SLC25A48: variants seen among roughly 807,000 people sequenced by gnomAD.
The protein encoded by SLC25A48 is CTC-321K16.1.
Under a neutral mutation model 32.2 loss-of-function variants are expected in SLC25A48, and 29 were observed. That is an observed-to-expected ratio of 0.90 (90% CI 0.67 to 1.23). The LOEUF (loss-of-function observed/expected upper bound fraction) is 1.23, where lower values mean the gene tolerates loss of function less well. SLC25A48 is among the 50% of genes most tolerant of loss of function. The pLI is 0.00. For synonymous variants in SLC25A48, 164 were observed against 172.3 expected, an observed-to-expected ratio of 0.95 and a Z score of 0.38; for missense variants, 399 against 422.7, an observed-to-expected ratio of 0.94 and a Z score of 0.49.
chr5:135,798,660 G>T (rs960868382), intron 3 of SLC25A48, among the ~76,000 whole-genome samples: 3 of 151,552 alleles, frequency 2.0e-5, no homozygotes, highest in African/African-American at 7.3e-5. Flanking sequence ...ATATCAGAAG[G>T]TGAGAGGATA....
chr5:135,621,928 C>T (rs1053383266), intron 1 of SLC25A48, among the ~76,000 whole-genome samples: 1 of 151,794 alleles, frequency 6.6e-6, no homozygotes, highest in Non-Finnish European at 1.5e-5. Flanking sequence ...AGCCAGAAGA[C>T]AATATAAAGG....
chr5:135,784,342 A>AC lies in SLC25A48; in HGVS notation c.-520-28175dup, dbSNP rs143053818. On this transcript the variant is annotated intron_variant, in intron 3 of 10. Coordinates refer to the SLC25A48 transcript ENST00000646290. ...ACTCCCAATACCCCAGGAAGTTTCC[A>AC]CCCCCCTGTGATATAGTTTTTAATA... Among the ~76,000 whole-genome samples, 1,122 of 115,266 alleles carry AC rather than the reference A, an allele frequency of 9.7e-3. 139 individuals are homozygous for AC. The highest frequency in any genetic ancestry group is 0.027 in the African/African-American group (1,044 of 38,060). The allele number at this position is 115,266 out of a possible 152,430, so 75.6% of individuals were successfully genotyped here. A position where few individuals can be genotyped will look rare whatever the true frequency, so the allele number is the denominator to read the frequency against.
intron 3 of SLC25A48, among the ~76,000 whole-genome samples, chr5:135,785,533 G>C (rs1756818095): frequency 6.8e-6 from 1 of 146,686 alleles, no homozygotes; most frequent in Non-Finnish European, 1.5e-5. Flanking sequence ...ACACCCCCTT[G>C]CCCCATGGAT....
intron 3 of SLC25A48, among the ~76,000 whole-genome samples, chr5:135,736,991 C>T (rs1698313630): frequency 6.6e-6 from 1 of 152,092 alleles, no homozygotes; most frequent in Non-Finnish European, 1.5e-5. Context: ...TCTGAGGACC[C>T]GAGGTCGTAG....
chr5:135,743,711 AC>A (rs1338615328), intron 3 of SLC25A48, among the ~76,000 whole-genome samples: 3 of 152,200 alleles, frequency 2.0e-5, no homozygotes, highest in African/African-American at 7.2e-5. Context: ...TTACTTCCCA[AC>A]CTTGGATCAA....
chr5:135,631,329 T>A (rs1449550405), intron 2 of SLC25A48, among the ~76,000 whole-genome samples: 1 of 152,210 alleles, frequency 6.6e-6, no homozygotes, highest in Non-Finnish European at 1.5e-5. Flanking sequence ...AATGGACTGA[T>A]GTGTTTCCTG....
In SLC25A48 at chr5:135,629,598, G is replaced by A. The variant is rs73791015; in HGVS notation, c.-709+222G>A. Among the ~76,000 whole-genome samples, 1,469 of 152,328 alleles carry A rather than the reference G, an allele frequency of 9.6e-3. 30 individuals carry two copies. The highest frequency in any genetic ancestry group is 0.034 in the African/African-American group (1,395 of 41,574). Reference sequence around the variant, plus strand: ...GTAAGAGATGGAAGGGAAAGAAGCCGATAAAAGATGTGTTAGCCAGCAGGC... The same window carrying A: ...GTAAGAGATGGAAGGGAAAGAAGCCAATAAAAGATGTGTTAGCCAGCAGGC... On this transcript the variant is annotated intron_variant, in intron 2 of 10. Coordinates refer to the SLC25A48 transcript ENST00000646290. The surrounding 1 kb of genome is among the most constrained non-coding windows in gnomAD (Gnocchi z 4.8).
chr5:135,704,537 G>C (rs1754466043), intron 3 of SLC25A48, among the ~76,000 whole-genome samples: 2 of 152,066 alleles, frequency 1.3e-5, no homozygotes, highest in South Asian at 2.1e-4. Context: ...TTACTTTATG[G>C]GACACATGTA....
Position 135,880,234 on chromosome 5 carries a change from G to T in SLC25A48, c.*7+137G>T, listed in dbSNP as rs17169294. On this transcript the variant is annotated intron_variant, in intron 7 of 7. Coordinates refer to ENST00000681962, the MANE Select transcript of SLC25A48 (RefSeq NM_001349336.2). The stretch of plus-strand genomic sequence containing the variant: ...ATCTAATCTGTGGTAGGCTGGGGCT[G>T]CCACCCTTTTCGTCACCAAACAGCA... 7.9e-3 allele frequency: 10,073 copies of T among 1,282,142 alleles called. 566 individuals are homozygous for T. The African/African-American group carries it at 0.13, about 16-fold the overall frequency. 79.4% of individuals were successfully genotyped at this position (1,282,142 alleles called of 1,614,324 possible).
chr5:135,774,348 G>A (rs954381487), intron 3 of SLC25A48, among the ~76,000 whole-genome samples: 4 of 151,154 alleles, frequency 2.6e-5, no homozygotes, highest in African/African-American at 9.7e-5. Context: ...CCAATATGTC[G>A]GGTGGTGTAC....
At chr5:135,723,376 T>TCACACACACACACACA in intron 3 of SLC25A48, among the ~76,000 whole-genome samples, 1 of 47,742 alleles carries the variant, frequency 2.1e-5, no homozygotes, top group South Asian at 1.1e-3. Flanking sequence ...TCTCTCTCTC[T>TCACACACACACACACA]CTCTCACACA....
At chr5:135,800,196 C>G (rs979378764) in intron 3 of SLC25A48, among the ~76,000 whole-genome samples, 1 of 151,682 alleles carries the variant, frequency 6.6e-6, no homozygotes, top group Non-Finnish European at 1.5e-5. Context: ...AACTCTATTA[C>G]TATCAATATC....
intron 3 of SLC25A48, among the ~76,000 whole-genome samples, chr5:135,772,053 T>G (rs1333007047): frequency 6.6e-6 from 1 of 151,484 alleles, no homozygotes; most frequent in East Asian, 1.9e-4. Flanking sequence ...AGGATGGTAT[T>G]ACTCCCAATA....
intron 3 of SLC25A48, among the ~76,000 whole-genome samples, chr5:135,657,960 T>C (rs1034641765): frequency 2.6e-5 from 4 of 152,134 alleles, no homozygotes; most frequent in African/African-American, 7.2e-5. Flanking sequence ...TCCCCCAACA[T>C]TGGGAATTAT....
At chr5:135,744,173 T>C (rs1755578809) in intron 3 of SLC25A48, among the ~76,000 whole-genome samples, 1 of 152,150 alleles carries the variant, frequency 6.6e-6, no homozygotes, top group Admixed American at 6.5e-5. Flanking sequence ...TCCTGCATGC[T>C]TTTTCCCCTT....
chr5:135,754,370 T>C (rs935082703), intron 3 of SLC25A48, among the ~76,000 whole-genome samples: 23 of 152,114 alleles, frequency 1.5e-4, no homozygotes, highest in Admixed American at 6.6e-4. Flanking sequence ...GAAATTACTG[T>C]GATATTACTG....
chr5:135,685,949 C>A (rs11242258), intron 3 of SLC25A48, among the ~76,000 whole-genome samples: 113,381 of 152,118 alleles, frequency 0.75, 42,845 homozygotes, highest in Middle Eastern at 0.85. Flanking sequence ...TTCCAGGCAC[C>A]ACAGCCCCTC....
At chr5:135,598,475 G>C (rs72787172) in intron 1 of SLC25A48, among the ~76,000 whole-genome samples, 10,540 of 152,246 alleles carry the variant, frequency 0.069, 373 homozygotes, top group South Asian at 0.15. Flanking sequence ...GAAGAATCAT[G>C]AGGTTCATCA....
intron 1 of SLC25A48, among the ~76,000 whole-genome samples, chr5:135,626,047 G>A (rs1023386735): frequency 6.6e-6 from 1 of 152,210 alleles, no homozygotes; most frequent in African/African-American, 2.4e-5. Context: ...TAAAACCCAG[G>A]CTGAACCTGA....
Sources: gnomAD v4.1 joint callset for allele counts (sites outside exome capture counted in the v4.1 genomes callset) on GRCh38, gnomAD v4.1.1 for gene constraint, Gnocchi (gnomAD v3.1) non-coding constraint, MANE v1.5 for transcripts, NCBI Gene and HGNC (gene_info 2026-07-23, HGNC 2026-07-21) for gene names.